RBFOX3: variants seen among roughly 807,000 people sequenced by gnomAD.
RBFOX3 encodes RNA binding fox-1 homolog 3, also known as RNA binding protein fox-1 homolog 3.
Under a neutral mutation model 48.7 loss-of-function variants are expected in RBFOX3, and 17 were observed. The observed-to-expected ratio is 0.35, with a 90% confidence interval of 0.24 to 0.52. The LOEUF (loss-of-function observed/expected upper bound fraction) is 0.52. RBFOX3 is among the 20% of genes least tolerant of loss of function. The probability of loss-of-function intolerance (pLI) is 0.94; values close to 1 mark genes in which losing one functional copy is unlikely to be tolerated. For synonymous variants in RBFOX3, 212 were observed against 209.5 expected (o/e 1.01, Z -0.10); for missense variants, 382 against 497.5 (o/e 0.77, Z 2.21).
intron 3 of RBFOX3, among the ~76,000 whole-genome samples, chr17:79,294,999 G>A (rs2074093283): frequency 6.6e-6 from 1 of 152,228 alleles, no homozygotes; most frequent in East Asian, 1.9e-4. Context: ...GGCCAGTTCA[G>A]GGAGTGTGGT....
At chr17:79,360,158 TGA>T (rs2086029912) in intron 2 of RBFOX3, among the ~76,000 whole-genome samples, 1 of 151,948 alleles carries the variant, frequency 6.6e-6, no homozygotes. Flanking sequence ...GCTGTGCTCA[TGA>T]AACAAAAATA....
chr17:79,371,609 C>T lies in RBFOX3; in HGVS notation c.-174-63785G>A, dbSNP rs189754763. 3.9e-3 allele frequency among the ~76,000 whole-genome samples: 593 copies of T among 152,274 alleles called. 5 individuals carry two copies. The highest frequency in any genetic ancestry group is 0.012 in the African/African-American group (516 of 41,544). On this transcript the variant is annotated intron_variant, in intron 2 of 14. Transcript: ENST00000693108. Reference sequence around the variant, plus strand: ...GTCCAGCAGTCCCTAGGGTTAGGGGCCACTCGATGAGGAAGGTCCCACCAA... The same window carrying T: ...GTCCAGCAGTCCCTAGGGTTAGGGGTCACTCGATGAGGAAGGTCCCACCAA...
chr17:79,549,997 C>T (rs139563620), intron 1 of RBFOX3, among the ~76,000 whole-genome samples: 174 of 152,298 alleles, frequency 1.1e-3, no homozygotes, highest in African/African-American at 3.9e-3. Flanking sequence ...GCTGACCAGC[C>T]GTGCCGGGCA....
At chr17:79,491,982 A>C (rs1460695506) in intron 1 of RBFOX3, among the ~76,000 whole-genome samples, 1 of 152,184 alleles carries the variant, frequency 6.6e-6, no homozygotes, top group Admixed American at 6.5e-5. Context: ...CTCGAGAGGC[A>C]GGAGAATTGC....
At chr17:79,146,870 G>A (rs1239112017) in intron 4 of RBFOX3, among the ~76,000 whole-genome samples, 7 of 152,180 alleles carry the variant, frequency 4.6e-5, no homozygotes, top group African/African-American at 4.8e-5. Flanking sequence ...TGAGGAGGGC[G>A]GGTGCCCCTG....
At chr17:79,280,167 ACACCACT>A (rs2069972891) in intron 3 of RBFOX3, among the ~76,000 whole-genome samples, 1 of 121,326 alleles carries the variant, frequency 8.2e-6, no homozygotes, top group African/African-American at 2.8e-5. Flanking sequence ...ACACACGCAC[ACACCACT>A]CACACACACA....
the RBFOX3 span, among the ~76,000 whole-genome samples, chr17:79,629,160 C>T: frequency 2.0e-5 from 3 of 152,228 alleles, no homozygotes; most frequent in Non-Finnish European, 4.4e-5. Flanking sequence ...AGCCAGATAA[C>T]AAGTCCACCT....
chr17:79,635,009 G>A, the RBFOX3 span, among the ~76,000 whole-genome samples: 6 of 127,988 alleles, frequency 4.7e-5, no homozygotes, highest in East Asian at 4.9e-4. Flanking sequence ...GCAGCAAGCC[G>A]AGATCACCCC....
At chr17:79,598,327 C>T (rs2093618466) in intron 1 of RBFOX3, 1 of 152,330 alleles carries the variant, frequency 6.6e-6, no homozygotes, top group African/African-American at 2.4e-5. Context: ...CATGCACACA[C>T]ACGCTCATGC....
chr17:79,136,885 TCA>T (rs1346226802), intron 4 of RBFOX3, among the ~76,000 whole-genome samples: 1 of 152,100 alleles, frequency 6.6e-6, no homozygotes, highest in Non-Finnish European at 1.5e-5. Flanking sequence ...GCCACCCCTC[TCA>T]CAGTCTTAAG....
chr17:79,500,606 T>C (rs1189480197), intron 1 of RBFOX3, among the ~76,000 whole-genome samples: 1 of 152,188 alleles, frequency 6.6e-6, no homozygotes, highest in Non-Finnish European at 1.5e-5. Context: ...CGTGCAGTAA[T>C]AGCTAACTGG....
chr17:79,554,837 C>T (rs1402994714), intron 1 of RBFOX3, among the ~76,000 whole-genome samples: 1 of 152,206 alleles, frequency 6.6e-6, no homozygotes, highest in Admixed American at 6.5e-5. Context: ...TCCTCAGACA[C>T]CACCATGAGG....
At chr17:79,571,989 G>A (rs1400917042) in intron 1 of RBFOX3, among the ~76,000 whole-genome samples, 1 of 152,202 alleles carries the variant, frequency 6.6e-6, no homozygotes, top group Non-Finnish European at 1.5e-5. Context: ...TTTGCTGGGA[G>A]CCATCGGGTG....
chr17:79,272,520 T>C (rs1452167123), intron 3 of RBFOX3, among the ~76,000 whole-genome samples: 1 of 152,192 alleles, frequency 6.6e-6, no homozygotes, highest in South Asian at 2.1e-4. Context: ...GGGAGCCACA[T>C]GGCCCCTGCC....
chr17:79,312,204 G>A (rs1007479822), intron 2 of RBFOX3, among the ~76,000 whole-genome samples: 1 of 151,584 alleles, frequency 6.6e-6, no homozygotes, highest in Non-Finnish European at 1.5e-5. Flanking sequence ...AGGCACACCA[G>A]GAGAAGTTTC....
At chr17:79,238,784 C>A (rs2061953088) in intron 3 of RBFOX3, among the ~76,000 whole-genome samples, 1 of 152,178 alleles carries the variant, frequency 6.6e-6, no homozygotes, top group Admixed American at 6.5e-5. Context: ...ACTGTGTGAA[C>A]CCGGGGTTGC....
In RBFOX3 at chr17:79,339,469, T is replaced by C. The variant is rs187353618; in HGVS notation, c.-174-31645A>G. ...ACACCAGCCTCACCCACGAGCTCAG[T>C]AGAAAGACAGATTCTCACTGGAGCT... On this transcript the variant is annotated intron_variant, in intron 2 of 14. Transcript: ENST00000693108. 2.6e-3 allele frequency among the ~76,000 whole-genome samples: 395 copies of C among 152,282 alleles called. 1 individual carries two copies. Among genetic ancestry groups the C allele is most frequent in the Middle Eastern group, 0.02 (6 of 294 alleles).
intron 11 of RBFOX3, 122 bp downstream of exon 11, chr17:79,097,170 T>TCCTCC (rs2075457411): frequency 1.2e-6 from 1 of 834,716 alleles, no homozygotes; most frequent in Non-Finnish European, 1.8e-6. Context: ...GCTCCCACGA[T>TCCTCC]CCTCCCCCCC....
intron 3 of RBFOX3, among the ~76,000 whole-genome samples, chr17:79,251,547 T>G (rs569349120): frequency 1.3e-5 from 2 of 152,270 alleles, no homozygotes; most frequent in South Asian, 4.1e-4. Flanking sequence ...TCCTATGCAT[T>G]CTTCTTCCTT....
Sources: gnomAD v4.1 joint callset for allele counts (sites outside exome capture counted in the v4.1 genomes callset) on GRCh38, gnomAD v4.1.1 for gene constraint, MANE v1.5 for transcripts, NCBI Gene and HGNC (gene_info 2026-07-23, HGNC 2026-07-21) for gene names.